The following MACROD2 variants were observed in gnomAD, a reference collection of about 807,000 sequenced individuals.
MACROD2 encodes ADP-ribose glycohydrolase MACROD2.
MACROD2 carries 36 observed loss-of-function variants against 70.4 expected under a neutral mutation model. The ratio of observed to expected loss-of-function variants is 0.51; its 90% CI spans 0.39 to 0.68. The LOEUF (loss-of-function observed/expected upper bound fraction) is 0.68, where lower values mean the gene tolerates loss of function less well. MACROD2 is among the 30% of genes least tolerant of loss of function. The pLI is 0.00. For synonymous variants in MACROD2, 172 were observed against 178.8 expected (o/e 0.96, Z 0.30); for missense variants, 496 against 538.4 (o/e 0.92, Z 0.78).
intron 3 of MACROD2, among the ~76,000 whole-genome samples, chr20:14,424,057 C>T (rs1028534605): frequency 1.4e-4 from 22 of 151,962 alleles, no homozygotes; most frequent in South Asian, 4.1e-4. Context: ...CCACCACGCC[C>T]GGCCTTAAAG....
intron 5 of MACROD2, among the ~76,000 whole-genome samples, chr20:15,074,110 C>T (rs1239264730): frequency 6.6e-6 from 1 of 152,066 alleles, no homozygotes; most frequent in Non-Finnish European, 1.5e-5. Context: ...TTTGGTCTTC[C>T]CTCTGTGTCT....
At chr20:15,214,669 G>T (rs1004308867) in intron 5 of MACROD2, among the ~76,000 whole-genome samples, 1 of 152,136 alleles carries the variant, frequency 6.6e-6, no homozygotes, top group African/African-American at 2.4e-5. Flanking sequence ...CTTTAGAATG[G>T]TTAATTTGGT....
chr20:15,704,557 T>C (rs571194329), intron 8 of MACROD2, among the ~76,000 whole-genome samples: 2 of 152,318 alleles, frequency 1.3e-5, no homozygotes, highest in South Asian at 4.1e-4. Flanking sequence ...CTTAAATATT[T>C]ATATGAATCA....
chr20:15,446,325 A>C (rs2146384170), intron 7 of MACROD2, among the ~76,000 whole-genome samples: 1 of 152,286 alleles, frequency 6.6e-6, no homozygotes, highest in African/African-American at 2.4e-5. Flanking sequence ...TTTATAGTTA[A>C]AGGTGATGCA....
intron 5 of MACROD2, among the ~76,000 whole-genome samples, chr20:15,187,361 G>A (rs1568624160): frequency 1.3e-5 from 2 of 152,148 alleles, no homozygotes; most frequent in African/African-American, 4.8e-5. Flanking sequence ...AAGTAAAAAA[G>A]ATTCACAATA....
intron 4 of MACROD2, among the ~76,000 whole-genome samples, chr20:14,535,976 C>T (rs1364674443): frequency 6.6e-6 from 1 of 151,986 alleles, no homozygotes; most frequent in African/African-American, 2.4e-5. Context: ...TAGTTTTGAT[C>T]TAATGGAAAC....
chr20:14,960,810 A>C (rs1250311515), intron 5 of MACROD2, among the ~76,000 whole-genome samples: 2 of 152,028 alleles, frequency 1.3e-5, no homozygotes, highest in African/African-American at 4.8e-5. Flanking sequence ...CACTATCCAC[A>C]CACTTTTTTA....
chr20:15,108,382 G>A (rs1210998981), intron 5 of MACROD2, among the ~76,000 whole-genome samples: 1 of 152,184 alleles, frequency 6.6e-6, no homozygotes, highest in Non-Finnish European at 1.5e-5. Context: ...AAAGCATGAT[G>A]ATGGATGACA....
At chr20:15,276,551 A>G (rs757742814) in intron 6 of MACROD2, among the ~76,000 whole-genome samples, 7 of 152,230 alleles carry the variant, frequency 4.6e-5, no homozygotes, top group Non-Finnish European at 1.0e-4. Flanking sequence ...CCATAAAGTT[A>G]TCAGGAGGCT....
intron 3 of MACROD2, among the ~76,000 whole-genome samples, chr20:14,234,480 G>C (rs1283259099): frequency 2.0e-5 from 3 of 151,964 alleles, no homozygotes; most frequent in African/African-American, 7.3e-5. Flanking sequence ...GAAGGTATAT[G>C]GTTATACTTT....
chr20:15,602,184 G>A (rs539909133), intron 8 of MACROD2, among the ~76,000 whole-genome samples: 1 of 152,130 alleles, frequency 6.6e-6, no homozygotes, highest in Non-Finnish European at 1.5e-5. Flanking sequence ...GGAGCTACCA[G>A]CCTCTATACG....
intron 7 of MACROD2, among the ~76,000 whole-genome samples, chr20:15,482,016 C>A (rs2047104881): frequency 6.6e-6 from 1 of 152,026 alleles, no homozygotes; most frequent in African/African-American, 2.4e-5. Context: ...AGGGAGGTAG[C>A]AAGGAATGAA....
intron 5 of MACROD2, among the ~76,000 whole-genome samples, chr20:15,088,779 C>G (rs1490787202): frequency 6.6e-6 from 1 of 151,704 alleles, no homozygotes; most frequent in Admixed American, 6.6e-5. Flanking sequence ...GTGTAATCTT[C>G]TATGTATGTG....
chr20:14,032,740 C>G (rs2053260293), intron 2 of MACROD2, among the ~76,000 whole-genome samples: 1 of 152,196 alleles, frequency 6.6e-6, no homozygotes, highest in African/African-American at 2.4e-5. Context: ...TTGCACCAGA[C>G]AGGCTAAATT....
At chr20:14,721,266 AAAAAG>A (rs1224809065) in intron 5 of MACROD2, among the ~76,000 whole-genome samples, 2 of 151,854 alleles carry the variant, frequency 1.3e-5, no homozygotes, top group African/African-American at 4.8e-5. Context: ...AAAAAAAAAA[AAAAAG>A]AAAAGAAAAA....
At chr20:14,303,518 T>C (rs529162960) in intron 3 of MACROD2, among the ~76,000 whole-genome samples, 26 of 152,352 alleles carry the variant, frequency 1.7e-4, no homozygotes, top group Non-Finnish European at 3.1e-4. Context: ...TATTTGGCTT[T>C]CATTCATTGA....
intron 5 of MACROD2, among the ~76,000 whole-genome samples, chr20:14,920,669 T>A (rs1220750068): frequency 4.6e-5 from 7 of 152,138 alleles, no homozygotes; most frequent in African/African-American, 1.7e-4. Flanking sequence ...ACCTTAAGCA[T>A]GTTATCATAG....
At chr20:15,301,128 C>T (rs902428165) in intron 6 of MACROD2, among the ~76,000 whole-genome samples, 1 of 152,226 alleles carries the variant, frequency 6.6e-6, no homozygotes, top group Non-Finnish European at 1.5e-5. Context: ...GACCATTCGC[C>T]TGCCTTACTG....
chr20:15,247,386 T>C (rs1414455333), intron 6 of MACROD2, among the ~76,000 whole-genome samples: 1 of 152,182 alleles, frequency 6.6e-6, no homozygotes, highest in Non-Finnish European at 1.5e-5. Flanking sequence ...GTCATCTTTA[T>C]GTTGGGTAAT....
Sources: gnomAD v4.1 joint callset for allele counts (sites outside exome capture counted in the v4.1 genomes callset) on GRCh38, gnomAD v4.1.1 for gene constraint, MANE v1.5 for transcripts, NCBI Gene and HGNC (gene_info 2026-07-23, HGNC 2026-07-21) for gene names.